DRC11: variants seen among roughly 807,000 people sequenced by gnomAD.
The protein encoded by DRC11 is IQ and AAA domain-containing protein 1.
chr2:236,319,744 T>C, the DRC11 span, among the ~76,000 whole-genome samples: 2 of 152,214 alleles, frequency 1.3e-5, no homozygotes, highest in African/African-American at 2.4e-5. This position sits in a 1 kb window ranked among gnomAD's most constrained non-coding sequence, Gnocchi z 6.7. Context: ...GGTGATTATA[T>C]AGGCGCTAGG....
At chr2:236,338,394 A>AC in the DRC11 span, 1 of 1,480,188 alleles carries the variant, frequency 6.8e-7, no homozygotes, top group Non-Finnish European at 8.9e-7. Flanking sequence ...TGGGAGAGAG[A>AC]AAAAAAAATT....
chr2:236,339,479 C>T, the DRC11 span, among the ~76,000 whole-genome samples: 1 of 152,272 alleles, frequency 6.6e-6, no homozygotes, highest in South Asian at 2.1e-4. Context: ...TAAGGAACAA[C>T]TGCCTAATCT....
At chr2:236,415,140 ATAGGATTATCCTATC>A in the DRC11 span, among the ~76,000 whole-genome samples, 1 of 152,144 alleles carries the variant, frequency 6.6e-6, no homozygotes, top group South Asian at 2.1e-4. This position sits in a 1 kb window ranked among gnomAD's most constrained non-coding sequence, Gnocchi z 5.7. Context: ...AAATATTCAG[ATAGGATTATCCTATC>A]TAATCCTATC....
At chr2:236,352,150 G>A in the DRC11 span, among the ~76,000 whole-genome samples, 1 of 152,134 alleles carries the variant, frequency 6.6e-6, no homozygotes, top group Non-Finnish European at 1.5e-5. The surrounding 1 kb of genome is among the most constrained non-coding windows in gnomAD (Gnocchi z 7.0). Flanking sequence ...TAGAAGGGAT[G>A]GGTCTGGAGC....
the DRC11 span, among the ~76,000 whole-genome samples, chr2:236,480,525 A>AT: frequency 6.6e-6 from 1 of 151,788 alleles, no homozygotes; most frequent in Non-Finnish European, 1.5e-5. Context: ...CCTCTAATGT[A>AT]TTTTTCTATC....
chr2:236,313,293 C>G, the DRC11 span, among the ~76,000 whole-genome samples: 1 of 143,190 alleles, frequency 7.0e-6, no homozygotes, highest in South Asian at 2.1e-4. This position sits in a 1 kb window ranked among gnomAD's most constrained non-coding sequence, Gnocchi z 4.5. Context: ...AAATGATATA[C>G]CAAAAAAATA....
the DRC11 span, among the ~76,000 whole-genome samples, chr2:236,312,459 C>T: frequency 1.2e-3 from 181 of 152,206 alleles, no homozygotes; most frequent in African/African-American, 4.0e-3. Flanking sequence ...TATATGCCCC[C>T]CTAATTCTAT....
the DRC11 span, among the ~76,000 whole-genome samples, chr2:236,364,891 C>T: frequency 6.6e-6 from 1 of 151,988 alleles, no homozygotes; most frequent in African/African-American, 2.4e-5. Context: ...TGATTAGACA[C>T]CTAATTTTTA....
the DRC11 span, among the ~76,000 whole-genome samples, chr2:236,459,520 T>TATATAC: frequency 1.1e-4 from 12 of 113,972 alleles, no homozygotes; most frequent in Admixed American, 3.8e-4. Flanking sequence ...TACGTATACA[T>TATATAC]GTATACATGT....
At chr2:236,351,694 G>C in the DRC11 span, among the ~76,000 whole-genome samples, 1 of 152,172 alleles carries the variant, frequency 6.6e-6, no homozygotes, top group Admixed American at 6.5e-5. The surrounding 1 kb of genome is among the most constrained non-coding windows in gnomAD (Gnocchi z 7.3). Flanking sequence ...GGTGGGCACA[G>C]TGAGGACAAG....
chr2:236,379,322 C>G, the DRC11 span, among the ~76,000 whole-genome samples: 1 of 134,680 alleles, frequency 7.4e-6, no homozygotes, highest in Non-Finnish European at 1.6e-5. Context: ...GCGACAGGAC[C>G]AAGGGGAGGG....
the DRC11 span, among the ~76,000 whole-genome samples, chr2:236,362,149 A>G: frequency 6.6e-6 from 1 of 152,214 alleles, no homozygotes. The surrounding 1 kb of genome is among the most constrained non-coding windows in gnomAD (Gnocchi z 5.7). Flanking sequence ...ACAGAAATGC[A>G]TATAGTTGGA....
the DRC11 span, chr2:236,408,071 T>G: frequency 6.7e-6 from 4 of 596,606 alleles, no homozygotes; most frequent in Non-Finnish European, 1.3e-5. The surrounding 1 kb of genome is among the most constrained non-coding windows in gnomAD (Gnocchi z 5.5). Flanking sequence ...ACACATTCCT[T>G]CAGCATGACA....
the DRC11 span, among the ~76,000 whole-genome samples, chr2:236,316,316 C>A: frequency 6.6e-6 from 1 of 152,124 alleles, no homozygotes; most frequent in Non-Finnish European, 1.5e-5. This position sits in a 1 kb window ranked among gnomAD's most constrained non-coding sequence, Gnocchi z 6.8. Flanking sequence ...GCACCCACCA[C>A]CACGCCCAGA....
chr2:236,353,324 C>T, the DRC11 span, among the ~76,000 whole-genome samples: 1 of 152,182 alleles, frequency 6.6e-6, no homozygotes, highest in South Asian at 2.1e-4. The surrounding 1 kb of genome is among the most constrained non-coding windows in gnomAD (Gnocchi z 5.0). Flanking sequence ...CCACCGTGTG[C>T]CTTTTCAAAT....
the DRC11 span, among the ~76,000 whole-genome samples, chr2:236,450,580 A>G: frequency 1.3e-5 from 2 of 151,748 alleles, no homozygotes; most frequent in African/African-American, 4.8e-5. Flanking sequence ...AGCCTCCCAA[A>G]GTGCTGGGAT....
chr2:236,504,199 T>TGG, the DRC11 span, among the ~76,000 whole-genome samples: 330 of 146,998 alleles, frequency 2.2e-3, 2 homozygotes, highest in South Asian at 7.8e-3. The surrounding 1 kb of genome is among the most constrained non-coding windows in gnomAD (Gnocchi z 5.0). Flanking sequence ...TACACGGCGG[T>TGG]GGGGGGGGGC....
At chr2:236,464,318 G>C in the DRC11 span, among the ~76,000 whole-genome samples, 60 of 152,314 alleles carry the variant, frequency 3.9e-4, 2 homozygotes, top group Middle Eastern at 3.4e-3. Context: ...GTTGGCGTCA[G>C]AGCATCTTGA....
chr2:236,357,569 CAT>C, the DRC11 span, among the ~76,000 whole-genome samples: 52 of 118,506 alleles, frequency 4.4e-4, no homozygotes, highest in East Asian at 6.6e-3. Context: ...TACATATATG[CAT>C]AGTTATATAT....
Sources: allele counts gnomAD v4.1 joint callset (sites outside exome capture counted in the v4.1 genomes callset), GRCh38; gene constraint gnomAD v4.1.1; non-coding constraint Gnocchi (gnomAD v3.1); transcripts MANE v1.5; gene names NCBI Gene and HGNC (gene_info 2026-07-23, HGNC 2026-07-21).